GRIK2: variants seen among roughly 807,000 people sequenced by gnomAD.
The protein encoded by GRIK2 is glutamate receptor ionotropic, kainate 2.
GRIK2 carries 32 observed loss-of-function variants against 100.3 expected under a neutral mutation model. That is an observed-to-expected ratio of 0.32 (90% CI 0.24 to 0.43). The LOEUF (loss-of-function observed/expected upper bound fraction) is 0.43. Ranked by LOEUF, GRIK2 falls within the 20% of genes least tolerant of loss-of-function variation. The pLI is 1.00. For synonymous variants in GRIK2, 417 were observed against 389.4 expected, an observed-to-expected ratio of 1.07 and a Z score of -0.83; for missense variants, 843 against 1,114.9, an observed-to-expected ratio of 0.76 and a Z score of 3.47.
chr6:101,861,867 A>G (rs1013639981), intron 11 of GRIK2, among the ~76,000 whole-genome samples: 1 of 152,160 alleles, frequency 6.6e-6, no homozygotes, highest in African/African-American at 2.4e-5. Flanking sequence ...TTTAACTTGT[A>G]TATACAGGAC....
At chr6:101,595,995 T>A (rs1210097756) in intron 2 of GRIK2, among the ~76,000 whole-genome samples, 1 of 149,948 alleles carries the variant, frequency 6.7e-6, no homozygotes. Flanking sequence ...CAGCTGCAAA[T>A]CCATGAAGGC....
chr6:101,843,996 A>G (rs566232010), intron 10 of GRIK2, among the ~76,000 whole-genome samples: 63 of 152,212 alleles, frequency 4.1e-4, no homozygotes, highest in Non-Finnish European at 7.6e-4. Flanking sequence ...ACATAGAACA[A>G]CACCTGGAAC....
intron 9 of GRIK2, among the ~76,000 whole-genome samples, chr6:101,816,016 C>A (rs1171770817): frequency 6.6e-6 from 1 of 152,068 alleles, no homozygotes; most frequent in Non-Finnish European, 1.5e-5. Flanking sequence ...GAAGTATTTT[C>A]AGATGGTAAG....
intron 2 of GRIK2, among the ~76,000 whole-genome samples, chr6:101,465,388 GT>G (rs904801412): frequency 6.5e-4 from 99 of 152,166 alleles, no homozygotes; most frequent in Middle Eastern, 3.4e-3. Flanking sequence ...CTGTTTCTGA[GT>G]TTTTTCACTG....
At chr6:101,508,651 A>G (rs1029478775) in intron 2 of GRIK2, among the ~76,000 whole-genome samples, 1 of 152,168 alleles carries the variant, frequency 6.6e-6, no homozygotes, top group African/African-American at 2.4e-5. Flanking sequence ...TTACAGAGAA[A>G]TCTTTATGCT....
At position 101,556,321 on chromosome 6, in the gene GRIK2, A is replaced by ATTTTTT. The variant is rs10528480; in HGVS notation, c.116-65602_116-65597dup. Among the ~76,000 whole-genome samples the ATTTTTT allele has an allele frequency of 8.7e-3, 516 of 59,324 alleles. 111 individuals are homozygous for ATTTTTT. The highest frequency in any genetic ancestry group is 0.015 in the Middle Eastern group (1 of 68). 38.9% of individuals were successfully genotyped at this position (59,324 alleles called of 152,430 possible). On this transcript the variant is annotated intron_variant, in intron 2 of 16. Coordinates refer to ENST00000369134, the MANE Select transcript of GRIK2 (RefSeq NM_021956.5). Reference sequence around the variant, plus strand: ...AATTGCACTATGTAATATATTGGTAATTTTTTTTTTTTTTTTTTTTTTTTT... The same window carrying ATTTTTT: ...AATTGCACTATGTAATATATTGGTAATTTTTTTTTTTTTTTTTTTTTTTTTTTTTTT...
chr6:101,455,520 T>TA (rs1231016709), intron 2 of GRIK2, among the ~76,000 whole-genome samples: 1 of 152,022 alleles, frequency 6.6e-6, no homozygotes, highest in Non-Finnish European at 1.5e-5. Flanking sequence ...GCTACATTAT[T>TA]AATAGTGTTA....
At chr6:101,568,554 A>G (rs574762792) in intron 2 of GRIK2, among the ~76,000 whole-genome samples, 49 of 152,180 alleles carry the variant, frequency 3.2e-4, no homozygotes, top group Middle Eastern at 3.4e-3. Flanking sequence ...TGTATCCTAA[A>G]GAAATCTTAG....
At chr6:101,741,043 A>G (rs1775995139) in intron 7 of GRIK2, among the ~76,000 whole-genome samples, 1 of 152,202 alleles carries the variant, frequency 6.6e-6, no homozygotes, top group Non-Finnish European at 1.5e-5. Flanking sequence ...GGTAAAAAAC[A>G]GAAACAATAA....
At chr6:101,417,358 G>A (rs1395533624) in intron 2 of GRIK2, among the ~76,000 whole-genome samples, 1 of 152,182 alleles carries the variant, frequency 6.6e-6, no homozygotes, top group Non-Finnish European at 1.5e-5. Flanking sequence ...AGAAGGTGAA[G>A]TTCCATGTGG....
intron 10 of GRIK2, among the ~76,000 whole-genome samples, chr6:101,835,205 T>C (rs1344398118): frequency 6.6e-6 from 1 of 152,232 alleles, no homozygotes; most frequent in Non-Finnish European, 1.5e-5. Context: ...TTTTGATATT[T>C]TTTTCATTGG....
intron 4 of GRIK2, among the ~76,000 whole-genome samples, chr6:101,662,975 T>C (rs1251212098): frequency 6.6e-6 from 1 of 152,138 alleles, no homozygotes; most frequent in Non-Finnish European, 1.5e-5. Context: ...GCACAACTAC[T>C]AAAGACTTTG....
intron 7 of GRIK2, among the ~76,000 whole-genome samples, chr6:101,790,437 A>G (rs890626214): frequency 2.6e-5 from 4 of 151,868 alleles, no homozygotes; most frequent in Non-Finnish European, 5.9e-5. Context: ...ATTTTGTCAA[A>G]GGCTTTTTCT....
intron 2 of GRIK2, among the ~76,000 whole-genome samples, chr6:101,514,951 A>C (rs1774509764): frequency 6.6e-6 from 1 of 152,014 alleles, no homozygotes; most frequent in South Asian, 2.1e-4. Flanking sequence ...TGGTTACATG[A>C]GTAAGTTTTT....
chr6:101,595,182 G>T (rs923359984), intron 2 of GRIK2, among the ~76,000 whole-genome samples: 4 of 151,582 alleles, frequency 2.6e-5, no homozygotes, highest in African/African-American at 9.7e-5. Context: ...AAGGAAGAAG[G>T]CAAGAAATGG....
chr6:101,610,232 T>C (rs1779612362), intron 2 of GRIK2, among the ~76,000 whole-genome samples: 1 of 151,632 alleles, frequency 6.6e-6, no homozygotes, highest in Admixed American at 6.6e-5. Context: ...CTTAAAGTTA[T>C]AGTCCATATA....
At chr6:101,891,659 A>C (rs1286752349) in intron 12 of GRIK2, 5 of 364,592 alleles carry the variant, frequency 1.4e-5, no homozygotes, top group African/African-American at 4.4e-5. Context: ...TTCTTCAGAT[A>C]ATTATTATTT....
intron 11 of GRIK2, among the ~76,000 whole-genome samples, chr6:101,863,762 G>A (rs1784879827): frequency 6.6e-6 from 1 of 152,174 alleles, no homozygotes; most frequent in African/African-American, 2.4e-5. Context: ...CTCCTGTGTA[G>A]CTTTGGGAAA....
intron 16 of GRIK2, among the ~76,000 whole-genome samples, chr6:102,063,533 A>G (rs981567484): frequency 6.6e-6 from 1 of 150,776 alleles, no homozygotes; most frequent in Non-Finnish European, 1.5e-5. Flanking sequence ...TATGTCAATT[A>G]TCAATGTGGA....
Sources: allele counts gnomAD v4.1 joint callset (sites outside exome capture counted in the v4.1 genomes callset), GRCh38; gene constraint gnomAD v4.1.1; transcripts MANE v1.5; gene names NCBI Gene and HGNC (gene_info 2026-07-23, HGNC 2026-07-21).